The following ADRM1 variants were observed in gnomAD, a reference collection of about 807,000 sequenced individuals.
ADRM1 encodes the protein ADRM1 26S proteasome ubiquitin receptor, also known as proteasomal ubiquitin receptor ADRM1.
In ADRM1, 2 loss-of-function variants were observed where a neutral mutation model predicts 40.1. The observed-to-expected ratio is 0.05, with a 90% CI of 0.02 to 0.16. ADRM1 has a LOEUF of 0.16. Among genes scored for constraint, ADRM1 ranks in the 10% least tolerant of loss-of-function variants. The pLI, the probability that ADRM1 is intolerant of heterozygous loss-of-function variation, is 1.00. For missense variants in ADRM1, 467 were observed against 552.5 expected (o/e 0.85, Z 1.55); for synonymous variants, 287 against 240.4 (o/e 1.19, Z -1.79).
intron 8 of ADRM1, 78 bp downstream of exon 8, chr20:62,308,256 T>C: frequency 1.3e-6 from 2 of 1,541,106 alleles, no homozygotes; most frequent in Non-Finnish European, 1.8e-6. Context: ...CTGCCCCACC[T>C]TCACCATGGC....
intron 2 of ADRM1, chr20:62,304,098 T>C: frequency 2.0e-6 from 1 of 503,496 alleles, no homozygotes; most frequent in Admixed American, 3.5e-5. Flanking sequence ...TGGAGCTCTG[T>C]GCCTGGCGGC....
At chr20:62,305,957 G>C (rs1984874664) in intron 3 of ADRM1, 2 of 525,124 alleles carry the variant, frequency 3.8e-6, no homozygotes, top group African/African-American at 1.9e-5. Flanking sequence ...GGGCGGAGGG[G>C]GACAGGGCAC....
intron 2 of ADRM1, 74 bp downstream of exon 2, chr20:62,303,855 G>A: frequency 6.7e-7 from 1 of 1,496,814 alleles, no homozygotes; most frequent in East Asian, 2.3e-5. Flanking sequence ...TGGAGTTCGC[G>A]GTGGGGGCTT....
intron 3 of ADRM1, 115 bp from the exon 4 acceptor site, chr20:62,306,082 C>T: frequency 7.1e-7 from 1 of 1,412,628 alleles, no homozygotes; most frequent in Non-Finnish European, 9.5e-7. Context: ...TGTGGCCAGG[C>T]ACACGCGCCT....
In ADRM1 at chr20:62,306,312, C is replaced by A; in HGVS notation, c.446C>A (p.Ala149Glu). 1 of 1,612,784 alleles carries A rather than the reference C, an allele frequency of 6.2e-7. No individual in the cohort carries two copies. The highest frequency in any genetic ancestry group is 8.5e-7 in the Non-Finnish European group (1 of 1,179,858). ...ASGSSGHELS[A>E]LGGEGGLQSL... ...GGAAGCAGCGGCCACGAACTCTCTG[C>A]GCTAGGCGGTAACTGTCACATGTGT... Residue 149 changes from alanine to glutamate, a missense_variant, in exon 4 of 10, where the codon GCG (alanine) becomes GAG (glutamate). Physicochemically the swap from Ala to Glu is moderately radical, Grantham distance 107. Transcript: ENST00000253003.
At chr20:62,308,330 C>T (rs760877885) in intron 8 of ADRM1, 38 bp from the exon 9 acceptor site, 414 of 1,564,648 alleles carry the variant, frequency 2.6e-4, no homozygotes, top group Middle Eastern at 4.4e-4. Flanking sequence ...GGGTGCAGCC[C>T]GGGTTGGAGC....
Position 62,308,385 on chromosome 20 carries a change from C to T in ADRM1, c.1032C>T (p.Ser344=), listed in dbSNP as rs773158870. ...TCTTGCAGGCCCTGGGCATGTTCAGCGCAGCCTTGGCCTCGGGGCAGCTGG... is the reference window on the plus strand; with the variant it reads ...TCTTGCAGGCCCTGGGCATGTTCAGTGCAGCCTTGGCCTCGGGGCAGCTGG... ...PQFQQALGMF[S]AALASGQLGP... The change falls in exon 9 of 10, where the codon AGC becomes AGT. Residue 344 remains serine, a synonymous_variant. Transcript: ENST00000253003. 1.5e-5 allele frequency: 24 copies of T among 1,605,602 alleles called. No individual in the cohort carries two copies. The highest frequency in any genetic ancestry group is 5.6e-5 in the South Asian group (5 of 89,422).
Position 62,306,301 on chromosome 20 carries a change from C to T in ADRM1, c.435C>T (p.His145=), listed in dbSNP as rs190468988. The change falls in exon 4 of 10, where the codon CAC becomes CAT. Residue 145 remains histidine, a synonymous_variant. Coordinates refer to ENST00000253003, the MANE Select transcript of ADRM1 (RefSeq NM_007002.4). Reference sequence around the variant, plus strand: ...TGGGGGCCAGCGGAAGCAGCGGCCACGAACTCTCTGCGCTAGGCGGTAACT... The same window carrying T: ...TGGGGGCCAGCGGAAGCAGCGGCCATGAACTCTCTGCGCTAGGCGGTAACT... The part of the protein sequence containing the change: ...GALGASGSSG[H]ELSALGGEGG... 186 of 1,612,856 alleles carry T rather than the reference C, an allele frequency of 1.2e-4. No individual in the cohort carries two copies. In the Admixed American group the frequency reaches 1.2e-3, roughly 11 times the overall value.
chr20:62,306,316 A>G lies in ADRM1; in HGVS notation c.450A>G (p.Leu150=). The G allele has an allele frequency of 6.2e-7, 1 of 1,612,780 alleles. No individual in the cohort carries two copies. Among genetic ancestry groups the G allele is most frequent in the South Asian group, 1.1e-5 (1 of 91,082 alleles). ...SGSSGHELSA[L]GGEGGLQSLL... is the part of the protein sequence containing the mutation. ...GCAGCGGCCACGAACTCTCTGCGCTAGGCGGTAACTGTCACATGTGTCACG... is the reference window on the plus strand; with the variant it reads ...GCAGCGGCCACGAACTCTCTGCGCTGGGCGGTAACTGTCACATGTGTCACG... The change falls in exon 4 of 10, where the codon CTA becomes CTG. Residue 150 remains leucine (L), a synonymous_variant. Transcript: ENST00000253003.
chr20:62,307,283 A>G (rs1033242873), intron 5 of ADRM1, 88 bp from the exon 6 acceptor site: 7 of 1,318,644 alleles, frequency 5.3e-6, no homozygotes, highest in Non-Finnish European at 6.2e-6. Context: ...GGTGTTGGGA[A>G]TTCCTGCTCC....
rs1253057555 is a variant in ADRM1 at position 62,308,716 on chromosome 20, C to T, written c.1179C>T (p.Asp393=). The change falls in exon 10 of 10, where the codon GAC becomes GAT. Residue 393 remains aspartate, a synonymous_variant. Coordinates refer to ENST00000253003, the MANE Select transcript of ADRM1 (RefSeq NM_007002.4). The part of the protein sequence containing the change: ...NNAKPEQKEG[D]TKDKKDEEED... ...CCAAGCCCGAGCAGAAAGAGGGCGA[C>T]ACGAAGGACAAGAAGGACGAAGAGG... 2 of 1,612,450 alleles carry T rather than the reference C, an allele frequency of 1.2e-6. No individual in the cohort carries two copies. The highest frequency in any genetic ancestry group is 1.7e-6 in the Non-Finnish European group (2 of 1,179,720).
intron 3 of ADRM1, chr20:62,305,965 C>A (rs1378017824): frequency 1.8e-6 from 1 of 544,348 alleles, no homozygotes; most frequent in Non-Finnish European, 3.3e-6. Context: ...GGGGACAGGG[C>A]ACACCCGGGA....
rs1568872209 is a variant in ADRM1, at chr20:62,306,652, G to T, written c.459G>T (p.Glu153Asp). The change falls in exon 5 of 10, where the codon GAG (glutamate) becomes GAT (aspartate). Residue 153 changes from glutamate (E) to aspartate (D), a missense_variant. This residue lies in a region of ADRM1 where 418 missense variants were observed against 474.6 expected (regional missense o/e 0.88). Coordinates refer to ENST00000253003, the MANE Select transcript of ADRM1 (RefSeq NM_007002.4). ...SGHELSALGG[E>D]GGLQSLLGNM... The stretch of plus-strand genomic sequence containing the variant: ...CTGAGCTGCAGTGTTTTCCAGGTGA[G>T]GGTGGCCTGCAGAGCCTGCTGGGAA... 1 of 1,607,762 alleles carries T rather than the reference G, an allele frequency of 6.2e-7. No homozygotes were observed. The highest frequency in any genetic ancestry group is 8.5e-7 in the Non-Finnish European group (1 of 1,177,634).
At position 62,308,648 on chromosome 20, in the gene ADRM1, G is replaced by T; in HGVS notation, c.1118-7G>T. 1 of 1,612,956 alleles carries T rather than the reference G, an allele frequency of 6.2e-7. No individual in the cohort carries two copies. The highest frequency in any genetic ancestry group is 8.5e-7 in the Non-Finnish European group (1 of 1,179,942). ...AGACACCACCTTGTGTCTTTAACGTGTTCTAGATGTGGAAGCGTTTGCCAA... is the reference window on the plus strand; with the variant it reads ...AGACACCACCTTGTGTCTTTAACGTTTTCTAGATGTGGAAGCGTTTGCCAA... On this transcript the variant is annotated splice_polypyrimidine_tract_variant and splice_region_variant and intron_variant, in intron 9 of 9. Coordinates refer to ENST00000253003, the MANE Select transcript of ADRM1 (RefSeq NM_007002.4).
In ADRM1 at chr20:62,304,556, G is replaced by A; in HGVS notation, c.309G>A (p.Lys103=). 2 of 1,614,032 alleles carry A rather than the reference G, an allele frequency of 1.2e-6. No homozygotes were observed. The highest frequency in any genetic ancestry group is 1.7e-6 in the Non-Finnish European group (2 of 1,179,966). Residue 103 remains lysine (K), a synonymous_variant, in exon 3 of 10, where the codon AAG becomes AAA. Coordinates refer to ENST00000253003, the MANE Select transcript of ADRM1 (RefSeq NM_007002.4). ...VYVLKFKAGS[K]RLFFWMQEPK... ...TGCTGAAGTTCAAGGCAGGGTCCAA[G>A]CGGCTTTTCTTCTGGATGCAGGTAT... is the stretch of plus-strand genomic sequence containing the variant.
chr20:62,307,542 T>TA, intron 6 of ADRM1, 54 bp from the exon 7 acceptor site: 1 of 1,599,874 alleles, frequency 6.3e-7, no homozygotes, highest in South Asian at 1.1e-5. Flanking sequence ...ACCCTGCGAG[T>TA]AGGCCCTGCC....
At position 62,307,584 on chromosome 20, in the gene ADRM1, C is replaced by T. The variant is rs1317785601; in HGVS notation, c.624-12C>T. 1.2e-6 allele frequency: 2 copies of T among 1,608,544 alleles called. No individual in the cohort carries two copies. The highest frequency in any genetic ancestry group is 1.7e-6 in the Non-Finnish European group (2 of 1,178,850). On this transcript the variant is annotated splice_polypyrimidine_tract_variant and intron_variant, in intron 6 of 9. Coordinates refer to ENST00000253003, the MANE Select transcript of ADRM1 (RefSeq NM_007002.4). ...GGCGTGTCCGCTCCAGCGGTGCCCT[C>T]TCTCTTCGCAGCTCCCGGAGCCAGT...
chr20:62,306,229 C>T lies in ADRM1; in HGVS notation c.363C>T (p.Cys121=). The change falls in exon 4 of 10, where the codon TGC becomes TGT. Residue 121 remains cysteine, a synonymous_variant. Transcript: ENST00000253003. The part of the protein sequence containing the change: ...EPKTDQDEEH[C]RKVNEYLNNP... ...AGACAGACCAGGATGAGGAGCATTG[C>T]CGGAAAGTCAACGAGTATCTGAACA... 1 of 1,613,324 alleles carries T rather than the reference C, an allele frequency of 6.2e-7. No homozygotes were observed. Among genetic ancestry groups the T allele is most frequent in the South Asian group, 1.1e-5 (1 of 91,082 alleles).
chr20:62,306,899 A>C (rs1354501902), intron 5 of ADRM1, among the ~76,000 whole-genome samples, 165 bp downstream of exon 5: 2 of 152,212 alleles, frequency 1.3e-5, no homozygotes, highest in East Asian at 3.9e-4. Flanking sequence ...GCCTGTGGCT[A>C]GAGCTGGGTA....
Sources: allele counts gnomAD v4.1 joint callset (sites outside exome capture counted in the v4.1 genomes callset), GRCh38; gene constraint gnomAD v4.1.1; regional missense constraint gnomAD v4.1.1; transcripts MANE v1.5; gene names NCBI Gene and HGNC (gene_info 2026-07-23, HGNC 2026-07-21).